RIMS1: variants seen among roughly 807,000 people sequenced by gnomAD.
The protein encoded by RIMS1 is regulating synaptic membrane exocytosis protein 1.
In RIMS1, 83 loss-of-function variants were observed where a neutral mutation model predicts 214.1. That is an observed-to-expected ratio of 0.39 (90% confidence interval 0.32 to 0.47). The LOEUF is 0.47. RIMS1 is among the 20% of genes least tolerant of loss of function. The pLI, the probability that RIMS1 is intolerant of heterozygous loss-of-function variation, is 0.99. For synonymous variants in RIMS1, 793 were observed against 786.8 expected (o/e 1.01, Z -0.13); for missense variants, 2,050 against 2,161.8 (o/e 0.95, Z 1.03).
In RIMS1 at chr6:72,329,026, A is replaced by G. The variant is rs374617146; in HGVS notation, c.4131-4574A>G. 1.2e-3 allele frequency among the ~76,000 whole-genome samples: 177 copies of G among 151,950 alleles called. 7 individuals carry two copies. In the South Asian group the frequency reaches 0.036, roughly 31 times the overall value. Reference sequence around the variant, plus strand: ...CCAAGAACTGGAACCAGAAAGAAACAAAACAAAACAAAACAAAACAAAAAC... The same window carrying G: ...CCAAGAACTGGAACCAGAAAGAAACGAAACAAAACAAAACAAAACAAAAAC... On this transcript the variant is annotated intron_variant, in intron 28 of 33. Transcript: ENST00000521978.
intron 2 of RIMS1, among the ~76,000 whole-genome samples, chr6:72,038,118 A>AAAAAT (rs1820399900): frequency 1.5e-4 from 2 of 13,418 alleles, no homozygotes. Flanking sequence ...AAAAAAAAAA[A>AAAAAT]ATATATATAT....
intron 31 of RIMS1, among the ~76,000 whole-genome samples, chr6:72,394,597 T>C (rs1446254868): frequency 6.6e-6 from 1 of 151,998 alleles, no homozygotes; most frequent in Non-Finnish European, 1.5e-5. Flanking sequence ...ATATTGAAAA[T>C]TTTGGAAGCA....
At chr6:72,105,225 C>G (rs1298882870) in intron 4 of RIMS1, among the ~76,000 whole-genome samples, 1 of 152,144 alleles carries the variant, frequency 6.6e-6, no homozygotes, top group Non-Finnish European at 1.5e-5. Flanking sequence ...TGAGCCACCA[C>G]AGCAGTCTTT....
intron 29 of RIMS1, among the ~76,000 whole-genome samples, chr6:72,385,266 T>G (rs1443935527): frequency 6.6e-6 from 1 of 152,210 alleles, no homozygotes; most frequent in Non-Finnish European, 1.5e-5. Context: ...CATTTTCTAA[T>G]ATTGTATATA....
Position 72,182,963 on chromosome 6 carries a change from A to T in RIMS1, c.1492A>T (p.Asn498Tyr). ...CGAGAAGGTGGAGACCATGCTGCGG[A>T]ACGACTCTTTGAGCTCAGACCAGTC... is the stretch of plus-strand genomic sequence containing the variant. ...KREKVETMLRNDSLSSDQSES... is the reference protein window; with the variant it reads ...KREKVETMLRYDSLSSDQSES... Residue 498 changes from asparagine to tyrosine, a missense_variant, in exon 6 of 34, where the codon AAC (asparagine) becomes TAC (tyrosine). Physicochemically the swap from Asn to Tyr is moderately radical, Grantham distance 143 (BLOSUM62 -2). Coordinates refer to ENST00000521978, the MANE Select transcript of RIMS1 (RefSeq NM_014989.7). 1 of 1,593,886 alleles carries T rather than the reference A, an allele frequency of 6.3e-7. No individual in the cohort carries two copies. Among genetic ancestry groups the T allele is most frequent in the South Asian group, 1.1e-5 (1 of 87,594 alleles).
chr6:72,076,191 A>C (rs577263723), intron 2 of RIMS1, among the ~76,000 whole-genome samples: 200 of 152,292 alleles, frequency 1.3e-3, no homozygotes, highest in African/African-American at 4.7e-3. Flanking sequence ...TTTCATTGAG[A>C]TCTCACAACA....
chr6:72,339,432 T>C (rs1194072079), intron 29 of RIMS1, among the ~76,000 whole-genome samples: 2 of 149,254 alleles, frequency 1.3e-5, no homozygotes, highest in Non-Finnish European at 3.0e-5. Context: ...ATCCCTCCCC[T>C]ATCCCCCCAC....
At chr6:71,979,652 C>T (rs904160988) in intron 2 of RIMS1, among the ~76,000 whole-genome samples, 3 of 151,992 alleles carry the variant, frequency 2.0e-5, no homozygotes, top group Non-Finnish European at 2.9e-5. Flanking sequence ...AAAACATAGA[C>T]TGTATCTTTA....
Position 72,242,399 on chromosome 6 carries a change from A to G in RIMS1, c.2043A>G (p.Ser681=), listed in dbSNP as rs1221682890. ...ACAACATTATTTTAGAATCAAAATC[A>G]GAACCTCAAGTTGAAATTATTGTTT... is the stretch of plus-strand genomic sequence containing the variant. ...EVYNIILESK[S]EPQVEIIVSR... is the part of the protein sequence containing the mutation. The change falls in exon 10 of 34, where the codon TCA becomes TCG. Residue 681 remains serine, a synonymous_variant. Coordinates refer to ENST00000521978, the MANE Select transcript of RIMS1 (RefSeq NM_014989.7). 3 of 1,561,678 alleles carry G rather than the reference A, an allele frequency of 1.9e-6. No individual in the cohort carries two copies. The highest frequency in any genetic ancestry group is 2.3e-5 in the East Asian group (1 of 42,672).
intron 1 of RIMS1, among the ~76,000 whole-genome samples, chr6:71,907,782 G>T (rs1775693779): frequency 6.6e-6 from 1 of 152,102 alleles, no homozygotes; most frequent in African/African-American, 2.4e-5. Context: ...AGAAAATCAA[G>T]TGCATGGAAC....
chr6:72,369,495 T>C (rs913736232), intron 29 of RIMS1, among the ~76,000 whole-genome samples: 1 of 152,156 alleles, frequency 6.6e-6, no homozygotes, highest in Non-Finnish European at 1.5e-5. Context: ...GGGCAGGTCA[T>C]GAGAGAAGGG....
At chr6:71,966,783 G>A (rs1467304540) in intron 1 of RIMS1, among the ~76,000 whole-genome samples, 5 of 152,054 alleles carry the variant, frequency 3.3e-5, no homozygotes, top group Non-Finnish European at 7.4e-5. Flanking sequence ...TCAGCCTTCC[G>A]AAGTGCTGGA....
intron 2 of RIMS1, among the ~76,000 whole-genome samples, chr6:72,010,964 A>C (rs1276920945): frequency 6.6e-6 from 1 of 152,182 alleles, no homozygotes; most frequent in Admixed American, 6.6e-5. Context: ...TCTTCACAGA[A>C]TTGGAAAAAA....
At chr6:72,044,191 CA>C (rs896622090) in intron 2 of RIMS1, among the ~76,000 whole-genome samples, 21 of 151,044 alleles carry the variant, frequency 1.4e-4, no homozygotes, top group African/African-American at 4.8e-4. Context: ...AAGAAAACAA[CA>C]AAAAAAATTA....
chr6:72,281,703 A>G (rs1024054824), intron 23 of RIMS1, among the ~76,000 whole-genome samples: 1 of 151,964 alleles, frequency 6.6e-6, no homozygotes, highest in African/African-American at 2.4e-5. Flanking sequence ...TTCTCTAACA[A>G]TATACATGGC....
intron 29 of RIMS1, among the ~76,000 whole-genome samples, chr6:72,385,605 T>C (rs2098582559): frequency 6.6e-6 from 1 of 152,222 alleles, no homozygotes; most frequent in South Asian, 2.1e-4. Context: ...ACTAATGTGA[T>C]GTTAAGCAAG....
intron 2 of RIMS1, among the ~76,000 whole-genome samples, chr6:72,081,544 AC>A (rs897732755): frequency 6.6e-6 from 1 of 152,080 alleles, no homozygotes; most frequent in Non-Finnish European, 1.5e-5. Flanking sequence ...GCATTATGAC[AC>A]TTTTTTTTTA....
intron 4 of RIMS1, among the ~76,000 whole-genome samples, chr6:72,109,259 C>A (rs2035487680): frequency 6.6e-6 from 1 of 152,022 alleles, no homozygotes; most frequent in South Asian, 2.1e-4. Context: ...AGTTCTAGAT[C>A]CCTGAGGAAT....
chr6:72,326,347 C>A lies in RIMS1; in HGVS notation c.4131-7253C>A, dbSNP rs570043731. On this transcript the variant is annotated intron_variant, in intron 28 of 33. Transcript: ENST00000521978. Reference sequence around the variant, plus strand: ...TCCTCTTCCAAAACGTTGTGTCAGCCTCCTTACATTGTAATAATGGGCCAA... The same window carrying A: ...TCCTCTTCCAAAACGTTGTGTCAGCATCCTTACATTGTAATAATGGGCCAA... Among the ~76,000 whole-genome samples, 364 of 151,838 alleles carry A rather than the reference C, an allele frequency of 2.4e-3. 3 individuals carry two copies. Among genetic ancestry groups the A allele is most frequent in the Non-Finnish European group, 3.6e-3 (243 of 67,822 alleles).
Sources: allele counts gnomAD v4.1 joint callset (sites outside exome capture counted in the v4.1 genomes callset), GRCh38; gene constraint gnomAD v4.1.1; transcripts MANE v1.5; gene names NCBI Gene and HGNC (gene_info 2026-07-23, HGNC 2026-07-21).